The following SFMBT1 variants were observed in gnomAD, a reference collection of about 807,000 sequenced individuals.
The protein encoded by SFMBT1 is Scm like with four mbt domains 1.
In SFMBT1, 32 loss-of-function variants were observed where a neutral mutation model predicts 108.7. That is an observed-to-expected ratio of 0.29 (90% confidence interval 0.22 to 0.40). SFMBT1 has a LOEUF of 0.40. Ranked by LOEUF, SFMBT1 falls within the 10% of genes least tolerant of loss-of-function variation. The pLI is 1.00. For missense variants in SFMBT1, 816 were observed against 1,059.6 expected, an observed-to-expected ratio of 0.77 and a Z score of 3.19; for synonymous variants, 348 against 369.5, an observed-to-expected ratio of 0.94 and a Z score of 0.67.
At chr3:52,974,790 G>A (rs1320225235) in intron 1 of SFMBT1, among the ~76,000 whole-genome samples, 1 of 134,092 alleles carries the variant, frequency 7.5e-6, no homozygotes, top group East Asian at 2.2e-4. Flanking sequence ...ACGAGTTCGA[G>A]ATAAGCCTGA....
At chr3:52,999,058 G>C (rs1250260002) in intron 1 of SFMBT1, among the ~76,000 whole-genome samples, 2 of 150,738 alleles carry the variant, frequency 1.3e-5, no homozygotes, top group African/African-American at 4.8e-5. Flanking sequence ...CGTAAGCCGG[G>C]GACGCCCGAG....
chr3:52,945,535 C>T (rs1454510372), intron 3 of SFMBT1, among the ~76,000 whole-genome samples: 3 of 151,848 alleles, frequency 2.0e-5, no homozygotes, highest in East Asian at 1.9e-4. Flanking sequence ...GAGCCGGGCG[C>T]GGTGGCTCAC....
chr3:53,045,281 C>G (rs1423721984), intron 1 of SFMBT1: 9 of 147,388 alleles, frequency 6.1e-5, no homozygotes, highest in Non-Finnish European at 1.1e-4. Context: ...AAGTTCCGAC[C>G]GGCCGCGCGC....
At position 52,931,110 on chromosome 3, in the gene SFMBT1, T is replaced by A. The variant is rs1028206787; in HGVS notation, c.701-75A>T. On this transcript the variant is annotated intron_variant, in intron 6 of 20. Transcript: ENST00000394752. Reference sequence around the variant, plus strand: ...TTTACCTGTCCTGAAAGCATTCACATAAACAAAAACAAGTCACTTTCCACT... The same window carrying A: ...TTTACCTGTCCTGAAAGCATTCACAAAAACAAAAACAAGTCACTTTCCACT... 5 of 1,370,794 alleles carry A rather than the reference T, an allele frequency of 3.6e-6. No homozygotes were observed. In the African/African-American group the frequency reaches 7.2e-5, roughly 20 times the overall value. The allele number at this position is 1,370,794 out of a possible 1,614,324, so 84.9% of individuals were successfully genotyped here. A position where few individuals can be genotyped will look rare whatever the true frequency, so the allele number is the denominator to read the frequency against.
chr3:52,982,826 G>T (rs1263069266), intron 1 of SFMBT1, among the ~76,000 whole-genome samples: 4 of 148,552 alleles, frequency 2.7e-5, no homozygotes. Flanking sequence ...CGACTTGATG[G>T]AGATGAATAA....
chr3:53,012,873 T>A (rs1699001602), intron 1 of SFMBT1, among the ~76,000 whole-genome samples: 1 of 151,734 alleles, frequency 6.6e-6, no homozygotes, highest in South Asian at 2.1e-4. Context: ...GCAAATCTAG[T>A]TCAGCTATAA....
chr3:53,035,942 T>A (rs1203153350), intron 1 of SFMBT1, among the ~76,000 whole-genome samples: 1 of 152,226 alleles, frequency 6.6e-6, no homozygotes, highest in African/African-American at 2.4e-5. Context: ...TTTGACAGTC[T>A]CAGCATTTGA....
chr3:53,013,615 C>CTTTTTTTT (rs397989629), intron 1 of SFMBT1, among the ~76,000 whole-genome samples: 14 of 58,098 alleles, frequency 2.4e-4, no homozygotes, highest in Admixed American at 2.6e-4. Flanking sequence ...TATAAAGAAT[C>CTTTTTTTT]TTTTTTTTTT....
rs528901096 is a variant in SFMBT1 at position 52,956,617 on chromosome 3, C to T, written c.29-2206G>A. On this transcript the variant is annotated intron_variant, in intron 2 of 20. Coordinates refer to ENST00000394752, the MANE Select transcript of SFMBT1 (RefSeq NM_016329.4). ...CTACCAAAAATACAAAAAAATTAGC[C>T]GGGTGTGGTGGCGTGCGCTTATAGT... Among the ~76,000 whole-genome samples, 50 of 151,614 alleles carry T rather than the reference C, an allele frequency of 3.3e-4. 1 individual carries two copies. The highest frequency in any genetic ancestry group is 6.6e-4 in the Admixed American group (10 of 15,218).
intron 1 of SFMBT1, among the ~76,000 whole-genome samples, chr3:52,984,279 T>G (rs1704826036): frequency 6.6e-6 from 1 of 152,228 alleles, no homozygotes; most frequent in Non-Finnish European, 1.5e-5. Flanking sequence ...ATGTTTTCAA[T>G]CAACAAAAGT....
intron 1 of SFMBT1, among the ~76,000 whole-genome samples, chr3:53,034,616 AT>A (rs1374074080): frequency 1.3e-5 from 2 of 151,916 alleles, no homozygotes; most frequent in African/African-American, 2.4e-5. Context: ...AATTTAAAAA[AT>A]AAATAAAAAT....
At chr3:53,037,495 G>C (rs1402794352) in intron 1 of SFMBT1, among the ~76,000 whole-genome samples, 1 of 152,018 alleles carries the variant, frequency 6.6e-6, no homozygotes, top group Admixed American at 6.5e-5. Flanking sequence ...ACTTGATTGA[G>C]GACTGGAAAG....
At chr3:53,042,408 T>C (rs1022031292) in intron 1 of SFMBT1, among the ~76,000 whole-genome samples, 3 of 152,228 alleles carry the variant, frequency 2.0e-5, no homozygotes, top group African/African-American at 7.2e-5. Flanking sequence ...AGTGCAATCA[T>C]AGCTCACTGC....
intron 1 of SFMBT1, among the ~76,000 whole-genome samples, chr3:53,015,870 T>G: frequency 6.6e-6 from 1 of 152,302 alleles, no homozygotes; most frequent in East Asian, 1.9e-4. Flanking sequence ...ATGGTTACAC[T>G]ACCCTGTAAA....
chr3:52,989,397 A>G (rs1705039725), intron 1 of SFMBT1, among the ~76,000 whole-genome samples: 1 of 148,838 alleles, frequency 6.7e-6, no homozygotes, highest in Non-Finnish European at 1.5e-5. Flanking sequence ...AGATTGTGCC[A>G]CTGCACTCCA....
chr3:53,002,069 C>T lies in SFMBT1; in HGVS notation c.-130-32811G>A, dbSNP rs533309595. Among the ~76,000 whole-genome samples, 153 of 149,896 alleles carry T rather than the reference C, an allele frequency of 1.0e-3. 7 individuals carry two copies. Among genetic ancestry groups the T allele is most frequent in the South Asian group, 4.9e-3 (23 of 4,720 alleles). Reference sequence around the variant, plus strand: ...TCAAATATGTGTACTACATATTGTGCCATTTCTGAATTATAACAAAAGCAA... The same window carrying T: ...TCAAATATGTGTACTACATATTGTGTCATTTCTGAATTATAACAAAAGCAA... On this transcript the variant is annotated intron_variant, in intron 1 of 20. Coordinates refer to ENST00000394752, the MANE Select transcript of SFMBT1 (RefSeq NM_016329.4).
intron 3 of SFMBT1, among the ~76,000 whole-genome samples, chr3:52,945,162 AGGG>A (rs1703325852): frequency 1.4e-4 from 19 of 135,630 alleles, no homozygotes; most frequent in African/African-American, 2.4e-4. Context: ...CAAGGACTTC[AGGG>A]AAAAAAGCTT....
At chr3:52,990,022 T>G (rs1705066756) in intron 1 of SFMBT1, among the ~76,000 whole-genome samples, 1 of 152,190 alleles carries the variant, frequency 6.6e-6, no homozygotes, top group African/African-American at 2.4e-5. Context: ...CTACTAAAAC[T>G]GTTCGGATAT....
At chr3:52,932,398 T>C (rs1301031982) in intron 5 of SFMBT1, 90 bp from the exon 6 acceptor site, 2 of 1,353,954 alleles carry the variant, frequency 1.5e-6, no homozygotes, top group East Asian at 4.9e-5. Context: ...AAACCAGCCT[T>C]TGTATTTTTT....
Sources: gnomAD v4.1 joint callset for allele counts (sites outside exome capture counted in the v4.1 genomes callset) on GRCh38, gnomAD v4.1.1 for gene constraint, MANE v1.5 for transcripts, NCBI Gene and HGNC (gene_info 2026-07-23, HGNC 2026-07-21) for gene names.